SCN7A: variants seen among roughly 807,000 people sequenced by gnomAD.
SCN7A encodes the protein sodium voltage-gated channel alpha subunit 7, also known as sodium channel protein type 7 subunit alpha.
Under a neutral mutation model 155.2 loss-of-function variants are expected in SCN7A, and 138 were observed. That is an observed-to-expected ratio of 0.89 (90% CI 0.77 to 1.02). The LOEUF (loss-of-function observed/expected upper bound fraction) is 1.02. Ranked by LOEUF, SCN7A falls within the 50% of genes least tolerant of loss-of-function variation. The pLI is 0.00. For missense variants in SCN7A, 2,058 were observed against 1,986.6 expected, an observed-to-expected ratio of 1.04 and a Z score of -0.68; for synonymous variants, 693 against 649.0, an observed-to-expected ratio of 1.07 and a Z score of -1.03.
At chr2:166,421,683 A>G (rs1701514692) in intron 19 of SCN7A, among the ~76,000 whole-genome samples, 1 of 152,062 alleles carries the variant, frequency 6.6e-6, no homozygotes, top group Non-Finnish European at 1.5e-5. Context: ...TTAAAACAAA[A>G]TAAGAAATAT....
At chr2:166,484,709 A>T (rs1240560884) in intron 2 of SCN7A, among the ~76,000 whole-genome samples, 1 of 151,986 alleles carries the variant, frequency 6.6e-6, no homozygotes, top group Non-Finnish European at 1.5e-5. Context: ...TAAATTAGGA[A>T]ATAATGATTA....
At chr2:166,429,077 C>A in intron 17 of SCN7A, 92 bp downstream of exon 17, 1 of 615,822 alleles carries the variant, frequency 1.6e-6, no homozygotes. Flanking sequence ...AAGATTCAGT[C>A]AATTGACTGA....
At chr2:166,431,503 C>A (rs898595181) in intron 16 of SCN7A, among the ~76,000 whole-genome samples, 1 of 151,996 alleles carries the variant, frequency 6.6e-6, no homozygotes, top group Non-Finnish European at 1.5e-5. Context: ...TGAAATGATT[C>A]CCTAGTGGGG....
At chr2:166,463,212 T>C (rs1702453026) in intron 9 of SCN7A, among the ~76,000 whole-genome samples, 1 of 152,196 alleles carries the variant, frequency 6.6e-6, no homozygotes, top group Non-Finnish European at 1.5e-5. Context: ...AAATTAAATA[T>C]TTATTTTATT....
intron 10 of SCN7A, among the ~76,000 whole-genome samples, chr2:166,458,265 G>C (rs1366888110): frequency 6.6e-6 from 1 of 151,476 alleles, no homozygotes; most frequent in Non-Finnish European, 1.5e-5. Flanking sequence ...GGTGGCTGAG[G>C]CTGCTGTGAG....
chr2:166,459,020 A>T (rs555072970), intron 10 of SCN7A, among the ~76,000 whole-genome samples: 35 of 152,208 alleles, frequency 2.3e-4, no homozygotes, highest in Non-Finnish European at 4.7e-4. Flanking sequence ...CATTTTACAT[A>T]AGGGACTTGA....
intron 2 of SCN7A, among the ~76,000 whole-genome samples, chr2:166,484,226 A>C (rs1288626093): frequency 6.6e-6 from 1 of 151,938 alleles, no homozygotes; most frequent in Admixed American, 6.6e-5. Flanking sequence ...TCAGCTTAGA[A>C]ATTAGGGAAA....
chr2:166,482,452 C>G (rs1290232103), intron 2 of SCN7A, among the ~76,000 whole-genome samples: 1 of 151,882 alleles, frequency 6.6e-6, no homozygotes, highest in African/African-American at 2.4e-5. Context: ...ATCTTGGACT[C>G]TTCATTTTGC....
chr2:166,414,264 ACACACAC>A (rs1701299087), intron 21 of SCN7A, among the ~76,000 whole-genome samples: 19 of 27,128 alleles, frequency 7.0e-4, no homozygotes, highest in Non-Finnish European at 1.2e-3. Flanking sequence ...AGATATATAT[ACACACAC>A]ATATATATAT....
Position 166,405,610 on chromosome 2 carries a change from C to T in SCN7A, c.5019G>A (p.Lys1673=). The change falls in exon 26 of 26, where the codon AAG becomes AAA. Residue 1673 remains lysine (K), a synonymous_variant. Coordinates refer to ENST00000643258, the MANE Select transcript of SCN7A (RefSeq NM_002976.4). ...TKEGAYFDKA[K]EKSPIQSQI Reference sequence around the variant, plus strand: ...TCTGGCTTTGAATAGGTGACTTTTCCTTAGCTTTGTCAAAATAGGCACCTT... The same window carrying T: ...TCTGGCTTTGAATAGGTGACTTTTCTTTAGCTTTGTCAAAATAGGCACCTT... 1 of 1,599,530 alleles carries T rather than the reference C, an allele frequency of 6.3e-7. No homozygotes were observed. The highest frequency in any genetic ancestry group is 8.5e-7 in the Non-Finnish European group (1 of 1,173,392).
intron 8 of SCN7A, 100 bp downstream of exon 8, chr2:166,465,681 G>A (rs538025167): frequency 7.3e-7 from 1 of 1,372,444 alleles, no homozygotes; most frequent in South Asian, 1.2e-5. Context: ...AGCGCCTTTG[G>A]GAATCTAACA....
rs532967661 is a variant in SCN7A at position 166,474,571 on chromosome 2, G to A, written c.235-227C>T. ...CCATTTTTGTTTTTTTGAGTTTTTT[G>A]CTACTGCTACACCCGAGAAAGTTGT... On this transcript the variant is annotated intron_variant, in intron 3 of 25. Transcript: ENST00000643258. Among the ~76,000 whole-genome samples the A allele has an allele frequency of 4.0e-5, 6 of 151,020 alleles. No individual in the cohort carries two copies. In the Admixed American group the frequency reaches 4.0e-4, roughly 10 times the overall value.
At chr2:166,486,192 G>A (rs185317682) in intron 2 of SCN7A, among the ~76,000 whole-genome samples, 27 of 152,250 alleles carry the variant, frequency 1.8e-4, no homozygotes, top group African/African-American at 5.8e-4. Context: ...CTTAATCTGT[G>A]GTTAGACTTA....
rs200013255 is a variant in SCN7A at position 166,472,804 on chromosome 2, G to GT, written c.444-360dup. Among the ~76,000 whole-genome samples, 47 of 151,518 alleles carry GT rather than the reference G, an allele frequency of 3.1e-4. No individual in the cohort carries two copies. The East Asian group carries it at 4.8e-3, about 16-fold the overall frequency. On this transcript the variant is annotated intron_variant, in intron 5 of 25. Transcript: ENST00000643258. Reference sequence around the variant, plus strand: ...CAGGTAACAAGATGCCTCCAGCTTTGTTTTTTTTGCTTAGGATTGCCTTAG... The same window carrying GT: ...CAGGTAACAAGATGCCTCCAGCTTTGTTTTTTTTTGCTTAGGATTGCCTTAG...
At chr2:166,412,825 G>C (rs940644854) in intron 22 of SCN7A, among the ~76,000 whole-genome samples, 158 bp from the exon 23 acceptor site, 1 of 151,982 alleles carries the variant, frequency 6.6e-6, no homozygotes, top group Non-Finnish European at 1.5e-5. Flanking sequence ...TCATTGCTTT[G>C]TATGAATGTT....
intron 15 of SCN7A, among the ~76,000 whole-genome samples, chr2:166,439,783 C>A (rs1020263616): frequency 6.6e-6 from 1 of 152,144 alleles, no homozygotes; most frequent in Non-Finnish European, 1.5e-5. Context: ...GGTCCTTTCC[C>A]TCATGGTGCT....
chr2:166,474,554 G>A (rs12617515), intron 3 of SCN7A, among the ~76,000 whole-genome samples: 27,939 of 151,158 alleles, frequency 0.18, 3,263 homozygotes, highest in Non-Finnish European at 0.25. Context: ...TACCATTTTT[G>A]TTTTTTTGAG....
At chr2:166,437,103 T>G (rs1050758021) in intron 15 of SCN7A, among the ~76,000 whole-genome samples, 2 of 152,222 alleles carry the variant, frequency 1.3e-5, no homozygotes, top group Non-Finnish European at 2.9e-5. Context: ...TCAGAGACCT[T>G]GGCAGCAGCC....
At chr2:166,486,235 C>G (rs1703044871) in intron 2 of SCN7A, among the ~76,000 whole-genome samples, 1 of 152,116 alleles carries the variant, frequency 6.6e-6, no homozygotes, top group African/African-American at 2.4e-5. Context: ...TCATTGTTGC[C>G]AGCTTCTCCT....
Sources: gnomAD v4.1 joint callset for allele counts (sites outside exome capture counted in the v4.1 genomes callset) on GRCh38, gnomAD v4.1.1 for gene constraint, MANE v1.5 for transcripts, NCBI Gene and HGNC (gene_info 2026-07-23, HGNC 2026-07-21) for gene names.